The following ZNF729 variants were observed in gnomAD, a reference collection of about 807,000 sequenced individuals.
The protein encoded by ZNF729 is zinc finger protein 729.
A neutral mutation model predicts 12.2 loss-of-function variants in ZNF729; 15 were observed. The ratio of observed to expected loss-of-function variants is 1.23; its 90% CI spans 0.82 to 1.89. The LOEUF (loss-of-function observed/expected upper bound fraction) is 1.89. ZNF729 is among the 40% of genes most tolerant of loss of function. ZNF729 has a pLI of 0.00. For synonymous variants in ZNF729, 492 were observed against 476.3 expected (o/e 1.03, Z -0.43); for missense variants, 1,540 against 1,456.7 (o/e 1.06, Z -0.93).
chr19:22,295,037 T>C (rs1267998768), intron 1 of ZNF729, among the ~76,000 whole-genome samples: 1 of 139,646 alleles, frequency 7.2e-6, no homozygotes, highest in Non-Finnish European at 1.5e-5. Flanking sequence ...CTCCTAGATA[T>C]TTGTGTGTGT....
At chr19:22,310,546 G>T (rs1968438606) in intron 3 of ZNF729, among the ~76,000 whole-genome samples, 2 of 152,134 alleles carry the variant, frequency 1.3e-5, no homozygotes, top group South Asian at 4.1e-4. Context: ...TCACTGGTAT[G>T]AAACCTATTT....
In ZNF729 at chr19:22,314,178, A is replaced by G. The variant is rs1198281754; in HGVS notation, c.761A>G (p.His254Arg). ...AAATTTTCTTCAACGTTCACTAAAC[A>G]TAAGAGAATTCATACTGGAGAGACA... is the stretch of plus-strand genomic sequence containing the variant. ...AFKFSSTFTK[H>R]KRIHTGETPF... Residue 254 changes from histidine to arginine, a missense_variant, in exon 4 of 4, where the codon CAT becomes CGT. By Grantham distance (29) the His-to-Arg change is conservative. Coordinates refer to ENST00000601693, the MANE Select transcript of ZNF729 (RefSeq NM_001242680.2). The G allele has an allele frequency of 3.8e-6, 6 of 1,584,722 alleles. No homozygotes were observed. The highest frequency in any genetic ancestry group is 1.3e-5 in the African/African-American group (1 of 74,156).
Position 22,314,210 on chromosome 19 carries a change from A to G in ZNF729, c.793A>G (p.Arg265Gly). The G allele has an allele frequency of 6.2e-7, 1 of 1,602,556 alleles. No homozygotes were observed. The highest frequency in any genetic ancestry group is 8.5e-7 in the Non-Finnish European group (1 of 1,174,988). ...KRIHTGETPF[R>G]CEECGKAFNQ... ...AATTCATACTGGAGAGACACCTTTC[A>G]GATGTGAAGAATGTGGCAAAGCTTT... The change falls in exon 4 of 4, where the codon AGA becomes GGA. Residue 265 changes from arginine (R) to glycine (G), a missense_variant. Transcript: ENST00000601693.
intron 1 of ZNF729, among the ~76,000 whole-genome samples, chr19:22,301,124 A>G (rs1042382660): frequency 1.3e-5 from 2 of 152,188 alleles, no homozygotes; most frequent in African/African-American, 4.8e-5. Context: ...GGACACTATA[A>G]CTTGTACCGT....
intron 1 of ZNF729, among the ~76,000 whole-genome samples, chr19:22,295,827 A>G (rs1370943538): frequency 6.6e-6 from 1 of 152,214 alleles, no homozygotes; most frequent in Non-Finnish European, 1.5e-5. Flanking sequence ...TGAGGATTTT[A>G]AACATGAAGG....
At chr19:22,301,910 G>A (rs57391908) in intron 1 of ZNF729, among the ~76,000 whole-genome samples, 6,690 of 150,014 alleles carry the variant, frequency 0.045, no homozygotes, top group African/African-American at 0.16. Context: ...TAACCAGGGC[G>A]GTTCCATTTT....
Position 22,317,033 on chromosome 19 carries a change from C to T in ZNF729, c.3616C>T (p.His1206Tyr). The T allele has an allele frequency of 6.2e-7, 1 of 1,608,782 alleles. No individual in the cohort carries two copies. Among genetic ancestry groups the T allele is most frequent in the East Asian group, 2.2e-5 (1 of 44,688 alleles). The change falls in exon 4 of 4, where the codon CAT becomes TAT. Residue 1206 changes from histidine (H) to tyrosine (Y), a missense_variant. Physicochemically the swap from His to Tyr is moderately conservative, Grantham distance 83. Coordinates refer to ENST00000601693, the MANE Select transcript of ZNF729 (RefSeq NM_001242680.2). ...TATTCAGTGCTCATACCTTATTAGA[C>T]ATAAAACAATTCATACCAGAGAGAA... ...AFIQCSYLIR[H>Y]KTIHTREKPT...
chr19:22,303,481 ATGTT>A (rs1359047140), intron 1 of ZNF729, among the ~76,000 whole-genome samples: 1 of 151,770 alleles, frequency 6.6e-6, no homozygotes, highest in African/African-American at 2.4e-5. Context: ...AAAAATGTAC[ATGTT>A]TGTTATCATG....
intron 3 of ZNF729, among the ~76,000 whole-genome samples, chr19:22,310,143 CAT>C (rs1238732680): frequency 6.6e-6 from 1 of 152,092 alleles, no homozygotes; most frequent in Non-Finnish European, 1.5e-5. Flanking sequence ...AGTGAACAAT[CAT>C]ATCATCAGCA....
In ZNF729 at chr19:22,316,848, C is replaced by A; in HGVS notation, c.3431C>A (p.Ser1144Tyr). 6.2e-7 allele frequency: 1 copy of A among 1,612,434 alleles called. No individual in the cohort carries two copies. The highest frequency in any genetic ancestry group is 8.5e-7 in the Non-Finnish European group (1 of 1,179,778). Residue 1144 changes from serine to tyrosine, a missense_variant, in exon 4 of 4, where the codon TCC (serine) becomes TAC (tyrosine). Transcript: ENST00000601693. Reference sequence around the variant, plus strand: ...GAATGTGGCAAAGCCTTTAGTCAGTCCTCAATCCTTACTAAACATAAGATA... The same window carrying A: ...GAATGTGGCAAAGCCTTTAGTCAGTACTCAATCCTTACTAAACATAAGATA... ...CEECGKAFSQSSILTKHKIIH... is the reference protein window; with the variant it reads ...CEECGKAFSQYSILTKHKIIH...
intron 3 of ZNF729, among the ~76,000 whole-genome samples, chr19:22,307,199 G>A (rs1599757031): frequency 6.6e-6 from 1 of 151,516 alleles, no homozygotes; most frequent in South Asian, 2.1e-4. Context: ...TATATGCAGA[G>A]TCTCACTATG....
At chr19:22,306,465 T>C (rs113229836) in intron 3 of ZNF729, among the ~76,000 whole-genome samples, 3 of 149,274 alleles carry the variant, frequency 2.0e-5, no homozygotes, top group Admixed American at 1.3e-4. Context: ...AGAAAAGAAA[T>C]AAAGTTACAT....
At chr19:22,297,156 T>G (rs1389232044) in intron 1 of ZNF729, among the ~76,000 whole-genome samples, 2 of 152,236 alleles carry the variant, frequency 1.3e-5, no homozygotes, top group Non-Finnish European at 2.9e-5. Context: ...CTCAATAATC[T>G]GTCTAATAGT....
chr19:22,286,530 C>T lies in ZNF729; in HGVS notation c.5C>T (p.Pro2Leu). 1 of 1,613,736 alleles carries T rather than the reference C, an allele frequency of 6.2e-7. No individual in the cohort carries two copies. Among genetic ancestry groups the T allele is most frequent in the Non-Finnish European group, 8.5e-7 (1 of 1,179,984 alleles). ...ATTGGAAGATCCACAGCTAACATGC[C>T]AGGTGCCCCTGGCAGCCTAGAAATG... Reference protein sequence around the residue: MPGAPGSLEMGP... With the variant: MLGAPGSLEMGP... The change falls in exon 1 of 4, where the codon CCA (proline) becomes CTA (leucine). Residue 2 changes from proline (P) to leucine (L), a missense_variant. By Grantham distance (98) the Pro-to-Leu change is moderately conservative. Transcript: ENST00000601693.
chr19:22,294,650 T>TC (rs1968200923), intron 1 of ZNF729, among the ~76,000 whole-genome samples: 1 of 148,166 alleles, frequency 6.7e-6, no homozygotes, highest in South Asian at 2.1e-4. Flanking sequence ...TTTTTTTTTT[T>TC]CTTTTTCTTT....
intron 3 of ZNF729, among the ~76,000 whole-genome samples, chr19:22,311,716 A>C (rs1968451868): frequency 6.6e-6 from 1 of 152,210 alleles, no homozygotes; most frequent in Non-Finnish European, 1.5e-5. Context: ...CATTTGCTCC[A>C]AGGTATAGTT....
intron 1 of ZNF729, among the ~76,000 whole-genome samples, chr19:22,288,328 T>C (rs866041938): frequency 1.4e-3 from 205 of 151,252 alleles, no homozygotes; most frequent in Middle Eastern, 3.4e-3. Flanking sequence ...TTTTTTTTTT[T>C]CCTCCTAGGC....
chr19:22,290,464 A>C (rs1296673878), intron 1 of ZNF729, among the ~76,000 whole-genome samples: 2 of 152,232 alleles, frequency 1.3e-5, no homozygotes, highest in Non-Finnish European at 2.9e-5. Flanking sequence ...CAAGGATTGC[A>C]AAGTTTAGGC....
intron 3 of ZNF729, among the ~76,000 whole-genome samples, chr19:22,307,741 C>CA (rs113645678): frequency 0.068 from 4,380 of 64,258 alleles, 243 homozygotes; most frequent in African/African-American, 0.2. Flanking sequence ...AAAACTCCAT[C>CA]AAAAAAAAAA....
Sources: gnomAD v4.1 joint callset for allele counts (sites outside exome capture counted in the v4.1 genomes callset) on GRCh38, gnomAD v4.1.1 for gene constraint, MANE v1.5 for transcripts, NCBI Gene and HGNC (gene_info 2026-07-23, HGNC 2026-07-21) for gene names.